Variants in NRXN3 observed in about 807,000 individuals in gnomAD.
NRXN3 encodes neurexin 3.
Under a neutral mutation model 137.6 loss-of-function variants are expected in NRXN3, and 32 were observed. That is an observed-to-expected ratio of 0.23 (90% CI 0.18 to 0.31). The LOEUF (loss-of-function observed/expected upper bound fraction) is 0.31. Among genes scored for constraint, NRXN3 ranks in the 10% least tolerant of loss-of-function variants. The pLI, the probability that NRXN3 is intolerant of heterozygous loss-of-function variation, is 1.00. For synonymous variants in NRXN3, 798 were observed against 784.5 expected (o/e 1.02, Z -0.29); for missense variants, 1,574 against 2,062.5 (o/e 0.76, Z 4.59).
chr14:79,623,812 A>G (rs1432605154), intron 16 of NRXN3, among the ~76,000 whole-genome samples: 3 of 151,164 alleles, frequency 2.0e-5, no homozygotes, highest in Non-Finnish European at 4.4e-5. Flanking sequence ...TTAATATTCT[A>G]GAAACCATGA....
rs112826964 is a variant in NRXN3 at position 78,988,113 on chromosome 14, C to T, written c.3234C>T (p.Thr1078=). Residue 1078 remains threonine (T), a synonymous_variant, in exon 15 of 21, where the codon ACC becomes ACT. Coordinates refer to ENST00000335750, the MANE Select transcript of NRXN3 (RefSeq NM_001330195.2). ...WEGFTCDCSM[T]SYSGNQCNDP... The stretch of plus-strand genomic sequence containing the variant: ...GCTTCACCTGTGATTGTTCTATGAC[C>T]TCTTATTCTGGAAACCAGTGCAATG... 101 of 1,613,888 alleles carry T rather than the reference C, an allele frequency of 6.3e-5. 3 individuals carry two copies. The African/African-American group carries it at 9.2e-4, about 15-fold the overall frequency.
At chr14:78,633,717 T>C (rs981392849) in intron 4 of NRXN3, among the ~76,000 whole-genome samples, 1 of 152,256 alleles carries the variant, frequency 6.6e-6, no homozygotes, top group Non-Finnish European at 1.5e-5. Context: ...TTTCCCAGTC[T>C]GTGTCTCCAA....
intron 8 of NRXN3, among the ~76,000 whole-genome samples, chr14:78,787,920 T>C (rs2153044156): frequency 6.6e-6 from 1 of 152,080 alleles, no homozygotes; most frequent in African/African-American, 2.4e-5. Flanking sequence ...ACGTCGCCCT[T>C]ATTTCTCTAT....
intron 4 of NRXN3, among the ~76,000 whole-genome samples, chr14:78,304,781 A>G (rs1289775361): frequency 6.6e-6 from 1 of 152,184 alleles, no homozygotes; most frequent in African/African-American, 2.4e-5. Context: ...GGTGGGAATC[A>G]TGGCAAACTG....
intron 15 of NRXN3, among the ~76,000 whole-genome samples, chr14:78,993,957 C>G (rs1223052754): frequency 7.1e-6 from 1 of 141,406 alleles, no homozygotes; most frequent in African/African-American, 2.5e-5. Flanking sequence ...TCAAGTGATT[C>G]TCTTGCCTCA....
At chr14:78,734,109 C>G (rs1033411925) in intron 8 of NRXN3, among the ~76,000 whole-genome samples, 2 of 152,016 alleles carry the variant, frequency 1.3e-5, no homozygotes, top group African/African-American at 4.8e-5. Context: ...AGACTTTTCT[C>G]TACTGAGGCA....
intron 10 of NRXN3, among the ~76,000 whole-genome samples, chr14:78,810,715 C>A (rs891324923): frequency 7.9e-5 from 12 of 152,202 alleles, no homozygotes; most frequent in Non-Finnish European, 1.3e-4. Context: ...GCATGCACTT[C>A]TCCACTACCA....
At chr14:78,336,501 G>A (rs1279643725) in intron 4 of NRXN3, among the ~76,000 whole-genome samples, 1 of 152,104 alleles carries the variant, frequency 6.6e-6, no homozygotes, top group Non-Finnish European at 1.5e-5. Flanking sequence ...TCAAGACCCT[G>A]CTCTCATGGA....
At chr14:78,932,849 G>A (rs1206851253) in intron 10 of NRXN3, among the ~76,000 whole-genome samples, 3 of 152,142 alleles carry the variant, frequency 2.0e-5, no homozygotes, top group African/African-American at 7.2e-5. Flanking sequence ...TGTATAAAGA[G>A]GAGTTCAGGG....
intron 4 of NRXN3, among the ~76,000 whole-genome samples, chr14:78,577,533 C>T (rs931204940): frequency 1.1e-4 from 17 of 151,982 alleles, no homozygotes; most frequent in African/African-American, 3.1e-4. Context: ...TGGCACGATC[C>T]CTGCTCACTA....
chr14:78,705,144 G>T (rs191926159), intron 6 of NRXN3, among the ~76,000 whole-genome samples: 6 of 152,154 alleles, frequency 3.9e-5, no homozygotes, highest in Non-Finnish European at 8.8e-5. Flanking sequence ...ATGGGGAGCC[G>T]TTTCTACTTT....
chr14:79,381,112 C>G (rs775439434), intron 15 of NRXN3, among the ~76,000 whole-genome samples: 1 of 151,816 alleles, frequency 6.6e-6, no homozygotes, highest in African/African-American at 2.4e-5. Context: ...TAGGTGTTAA[C>G]AGGTGTCTCA....
chr14:79,823,995 C>T (rs2099281228), intron 20 of NRXN3: 1 of 414,356 alleles, frequency 2.4e-6, no homozygotes, highest in South Asian at 1.6e-5. Context: ...TTTAAAATTT[C>T]TGCTTGGAAC....
chr14:78,394,472 T>A (rs549464095), intron 4 of NRXN3, among the ~76,000 whole-genome samples: 69 of 152,076 alleles, frequency 4.5e-4, no homozygotes, highest in South Asian at 2.3e-3. Context: ...AAATTCTGTT[T>A]GCCAATATTT....
intron 15 of NRXN3, among the ~76,000 whole-genome samples, chr14:79,101,064 C>T (rs2051193742): frequency 1.3e-5 from 2 of 152,176 alleles, no homozygotes; most frequent in Non-Finnish European, 1.5e-5. Context: ...AAACTTAACA[C>T]TTTGGCAGAA....
At chr14:78,333,387 G>A (rs1177041992) in intron 4 of NRXN3, among the ~76,000 whole-genome samples, 1 of 152,182 alleles carries the variant, frequency 6.6e-6, no homozygotes, top group Non-Finnish European at 1.5e-5. Flanking sequence ...TAGGAATTGA[G>A]GATGTATCAG....
intron 1 of NRXN3, among the ~76,000 whole-genome samples, chr14:78,207,212 G>A (rs570551735): frequency 6.6e-6 from 1 of 152,170 alleles, no homozygotes; most frequent in African/African-American, 2.4e-5. Flanking sequence ...CAGATCTACA[G>A]GGTGTGTTTG....
At chr14:78,268,988 C>T (rs1215706781) in intron 2 of NRXN3, among the ~76,000 whole-genome samples, 2 of 152,176 alleles carry the variant, frequency 1.3e-5, no homozygotes, top group African/African-American at 4.8e-5. Context: ...AATTGCCCCT[C>T]GTTAGTATTT....
intron 15 of NRXN3, among the ~76,000 whole-genome samples, chr14:79,263,152 A>G (rs974299552): frequency 1.3e-5 from 2 of 152,178 alleles, no homozygotes; most frequent in African/African-American, 4.8e-5. Flanking sequence ...CAAAGCTATA[A>G]TTTTGGGTCT....
Sources: gnomAD v4.1 joint callset for allele counts (sites outside exome capture counted in the v4.1 genomes callset) on GRCh38, gnomAD v4.1.1 for gene constraint, MANE v1.5 for transcripts, NCBI Gene and HGNC (gene_info 2026-07-23, HGNC 2026-07-21) for gene names.